Variants in ZNF609 observed in about 807,000 individuals in gnomAD.
The protein encoded by ZNF609 is zinc finger protein 609.
ZNF609 carries 11 observed loss-of-function variants against 109.5 expected under a neutral mutation model. The ratio of observed to expected loss-of-function variants is 0.10; its 90% CI spans 0.06 to 0.17. The LOEUF (loss-of-function observed/expected upper bound fraction) is 0.17. Ranked by LOEUF, ZNF609 falls within the 10% of genes least tolerant of loss-of-function variation. The pLI is 1.00. For missense variants in ZNF609, 1,559 were observed against 1,772.4 expected, an observed-to-expected ratio of 0.88 and a Z score of 2.16; for synonymous variants, 646 against 662.0, an observed-to-expected ratio of 0.98 and a Z score of 0.37.
chr15:64,516,674 C>A (rs1893816008), intron 2 of ZNF609, among the ~76,000 whole-genome samples: 1 of 151,962 alleles, frequency 6.6e-6, no homozygotes, highest in African/African-American at 2.4e-5. Flanking sequence ...ACCATGCCCA[C>A]CCAAATAATA....
At chr15:64,592,748 T>G (rs1461102667) in intron 2 of ZNF609, among the ~76,000 whole-genome samples, 1 of 114,066 alleles carries the variant, frequency 8.8e-6, no homozygotes, top group East Asian at 2.8e-4. Context: ...GAAACCCCAT[T>G]TCTACTTAAA....
At chr15:64,671,512 C>T (rs1896730977) in intron 4 of ZNF609, 1 of 152,132 alleles carries the variant, frequency 6.6e-6, no homozygotes, top group African/African-American at 2.4e-5. Context: ...AATTTGAACT[C>T]AAGAACATTT....
At chr15:64,620,220 G>T (rs1482173613) in intron 2 of ZNF609, among the ~76,000 whole-genome samples, 1 of 152,190 alleles carries the variant, frequency 6.6e-6, no homozygotes, top group Non-Finnish European at 1.5e-5. Flanking sequence ...ATAAAAAAGG[G>T]AACAAACCCT....
intron 1 of ZNF609, among the ~76,000 whole-genome samples, chr15:64,461,766 C>T (rs35620672): frequency 0.043 from 6,474 of 152,210 alleles, 194 homozygotes; most frequent in Non-Finnish European, 0.062. Context: ...GGGAAGAAAG[C>T]CTGTCTGTTT....
At chr15:64,550,078 A>G (rs1346665604) in intron 2 of ZNF609, among the ~76,000 whole-genome samples, 1 of 152,036 alleles carries the variant, frequency 6.6e-6, no homozygotes, top group African/African-American at 2.4e-5. Flanking sequence ...CAGCCTCCCA[A>G]GTAGCTAGGG....
At chr15:64,600,663 C>G (rs927171357) in intron 2 of ZNF609, among the ~76,000 whole-genome samples, 1 of 2,500 alleles carries the variant, frequency 4.0e-4, no homozygotes, top group Non-Finnish European at 8.1e-4. Context: ...GCAGGGATGG[C>G]GGGGGTGGGG....
At chr15:64,558,768 A>C (rs1377241556) in intron 2 of ZNF609, among the ~76,000 whole-genome samples, 2 of 152,260 alleles carry the variant, frequency 1.3e-5, no homozygotes, top group African/African-American at 4.8e-5. Flanking sequence ...TCAAACAGAA[A>C]ACTAAAATAG....
At chr15:64,645,091 C>CTCCCTCCCTCCCTCCA (rs1896315638) in intron 3 of ZNF609, among the ~76,000 whole-genome samples, 2 of 59,064 alleles carry the variant, frequency 3.4e-5, no homozygotes, top group African/African-American at 1.3e-4. Flanking sequence ...CTTTCCCTCC[C>CTCCCTCCCTCCCTCCA]TCCCTCCCTC....
chr15:64,564,128 C>T (rs1894735493), intron 2 of ZNF609, among the ~76,000 whole-genome samples: 1 of 147,352 alleles, frequency 6.8e-6, no homozygotes, highest in Non-Finnish European at 1.5e-5. Flanking sequence ...AGGATGTAAA[C>T]TGTTAGCCTT....
intron 1 of ZNF609, among the ~76,000 whole-genome samples, chr15:64,486,446 C>A (rs1732262048): frequency 6.6e-6 from 1 of 150,996 alleles, no homozygotes; most frequent in Non-Finnish European, 1.5e-5. Context: ...ATCACTTGAA[C>A]CCGGGAGGTG....
At chr15:64,659,838 T>TC (rs1410763982) in intron 3 of ZNF609, among the ~76,000 whole-genome samples, 17 of 149,696 alleles carry the variant, frequency 1.1e-4, no homozygotes, top group Non-Finnish European at 2.5e-4. Flanking sequence ...TTTCTTTCTT[T>TC]TTTTTTTTTT....
intron 3 of ZNF609, among the ~76,000 whole-genome samples, chr15:64,638,659 G>T (rs113416017): frequency 0.046 from 7,022 of 152,070 alleles, 539 homozygotes; most frequent in African/African-American, 0.16. Context: ...ACTTTGGGAG[G>T]CTGAAGTGGA....
Position 64,675,376 on chromosome 15 carries a change from A to G in ZNF609, c.2522A>G (p.Asn841Ser), listed in dbSNP as rs751135506. 76 of 1,614,014 alleles carry G rather than the reference A, an allele frequency of 4.7e-5. No individual in the cohort carries two copies. Among genetic ancestry groups the G allele is most frequent in the Non-Finnish European group, 6.2e-5 (73 of 1,180,016 alleles). Residue 841 changes from asparagine (N) to serine (S), a missense_variant, in exon 5 of 10, where the codon AAC becomes AGC. By Grantham distance (46) the Asn-to-Ser change is conservative. This residue lies in a region of ZNF609 where 1,204 missense variants were observed against 1,314.1 expected (regional missense o/e 0.92). Transcript: ENST00000326648. ...GCTGAAGCCAGCTCAGTCAAAACCA[A>G]CAGCCCTGCATACTCTGACATCTCT... The part of the protein sequence containing the change: ...NGAEASSVKT[N>S]SPAYSDISDA...
chr15:64,671,201 C>T (rs915358014), intron 4 of ZNF609: 3 of 128,434 alleles, frequency 2.3e-5, no homozygotes, highest in African/African-American at 9.1e-5. Flanking sequence ...CAGAGCAAGA[C>T]TCCGTCTCAA....
At chr15:64,524,301 C>T (rs1893937638) in intron 2 of ZNF609, among the ~76,000 whole-genome samples, 1 of 152,244 alleles carries the variant, frequency 6.6e-6, no homozygotes, top group South Asian at 2.1e-4. Context: ...CGCAGTGGCT[C>T]ACGCCTGTAA....
chr15:64,513,753 A>G (rs549521993), intron 2 of ZNF609, among the ~76,000 whole-genome samples: 1 of 152,260 alleles, frequency 6.6e-6, no homozygotes, highest in East Asian at 1.9e-4. Flanking sequence ...GCCTAGTAAA[A>G]TGCTTATATT....
In ZNF609 at chr15:64,474,782, G is replaced by A. The variant is rs545650755; in HGVS notation, c.-128+13944G>A. 8.5e-5 allele frequency among the ~76,000 whole-genome samples: 13 copies of A among 152,252 alleles called. No individual in the cohort carries two copies. The South Asian group carries it at 2.7e-3, about 32-fold the overall frequency. On this transcript the variant is annotated intron_variant, in intron 1 of 9. Coordinates refer to ENST00000326648, the MANE Select transcript of ZNF609 (RefSeq NM_015042.2). ...TAAGAATTTTGTTCTAGAAGAGTGT[G>A]TGCAAATAAAGCCAGCGTAGACCTT...
chr15:64,680,380 G>T lies in ZNF609; in HGVS notation c.3945+20G>T, dbSNP rs754655586. 2.9e-5 allele frequency: 47 copies of T among 1,611,096 alleles called. No homozygotes were observed. Among genetic ancestry groups the T allele is most frequent in the Non-Finnish European group, 3.8e-5 (45 of 1,177,714 alleles). On this transcript the variant is annotated intron_variant, in intron 7 of 9. Coordinates refer to ENST00000326648, the MANE Select transcript of ZNF609 (RefSeq NM_015042.2). ...CCCACGGTAAGAAAAGTACAGTGAT[G>T]CTGGCTGTTACCCAAAGACTAGTAA...
chr15:64,479,438 C>T (rs1204769967), intron 1 of ZNF609, among the ~76,000 whole-genome samples: 1 of 151,678 alleles, frequency 6.6e-6, no homozygotes, highest in Non-Finnish European at 1.5e-5. Context: ...ACTACAGGTG[C>T]CCACCACCAC....
Sources: gnomAD v4.1 joint callset for allele counts (sites outside exome capture counted in the v4.1 genomes callset) on GRCh38, gnomAD v4.1.1 for gene constraint, gnomAD v4.1.1 regional missense constraint, MANE v1.5 for transcripts, NCBI Gene and HGNC (gene_info 2026-07-23, HGNC 2026-07-21) for gene names.